CPEB4: variants seen among roughly 807,000 people sequenced by gnomAD.
CPEB4 encodes cytoplasmic polyadenylation element binding protein 4.
In CPEB4, 12 loss-of-function variants were observed where a neutral mutation model predicts 72.5. The ratio of observed to expected loss-of-function variants is 0.17; its 90% CI spans 0.11 to 0.27. CPEB4 has a LOEUF of 0.27. Ranked by LOEUF, CPEB4 falls within the 10% of genes least tolerant of loss-of-function variation. CPEB4 has a pLI of 1.00. For synonymous variants in CPEB4, 302 were observed against 326.3 expected, an observed-to-expected ratio of 0.93 and a Z score of 0.80; for missense variants, 614 against 908.5, an observed-to-expected ratio of 0.68 and a Z score of 4.17.
chr5:173,935,804 G>A (rs1757600738), intron 3 of CPEB4, among the ~76,000 whole-genome samples: 1 of 152,004 alleles, frequency 6.6e-6, no homozygotes, highest in African/African-American at 2.4e-5. Context: ...TCACCAACCA[G>A]TTTTCAGTGG....
chr5:173,900,949 G>C lies in CPEB4; in HGVS notation c.1126-9574G>C, dbSNP rs796659582. On this transcript the variant is annotated intron_variant, in intron 1 of 9. Coordinates refer to ENST00000265085, the MANE Select transcript of CPEB4 (RefSeq NM_030627.4). The surrounding 1 kb of genome is among the most constrained non-coding windows in gnomAD (Gnocchi z 4.4). The stretch of plus-strand genomic sequence containing the variant: ...TTGCAGCATCAAGATCACTTGCTTA[G>C]TATGTTTGATACTTAGTATCACAAG... Among the ~76,000 whole-genome samples, 19 of 152,260 alleles carry C rather than the reference G, an allele frequency of 1.2e-4. No homozygotes were observed. Among genetic ancestry groups the C allele is most frequent in the African/African-American group, 4.1e-4 (17 of 41,532 alleles).
chr5:173,946,980 C>T (rs1246413041), intron 5 of CPEB4, among the ~76,000 whole-genome samples: 1 of 152,004 alleles, frequency 6.6e-6, no homozygotes, highest in Non-Finnish European at 1.5e-5. Context: ...TAAGGGCTCA[C>T]ATAGTGAGCC....
At chr5:173,894,680 G>A (rs1166916802) in intron 1 of CPEB4, among the ~76,000 whole-genome samples, 3 of 150,304 alleles carry the variant, frequency 2.0e-5, no homozygotes. Flanking sequence ...TACATGTATT[G>A]ATTCATTTAA....
In CPEB4 at chr5:173,900,497, C is replaced by CT. The variant is rs1212049142; in HGVS notation, c.1125+9640dup. On this transcript the variant is annotated intron_variant, in intron 1 of 9. Coordinates refer to ENST00000265085, the MANE Select transcript of CPEB4 (RefSeq NM_030627.4). This position sits in a 1 kb window ranked among gnomAD's most constrained non-coding sequence, Gnocchi z 4.4. ...CTAGCAGACATGGAGAACAGGAACTCTAACAGCCAGTTGAGGTCTAAATAA... is the reference window on the plus strand; with the variant it reads ...CTAGCAGACATGGAGAACAGGAACTCTTAACAGCCAGTTGAGGTCTAAATAA... Among the ~76,000 whole-genome samples, 1 of 152,142 alleles carries CT rather than the reference C, an allele frequency of 6.6e-6. No individual in the cohort carries two copies. The highest frequency in any genetic ancestry group is 1.5e-5 in the Non-Finnish European group (1 of 68,042).
chr5:173,946,474 C>T (rs994694071), intron 5 of CPEB4, among the ~76,000 whole-genome samples: 6 of 152,126 alleles, frequency 3.9e-5, no homozygotes, highest in African/African-American at 1.2e-4. Flanking sequence ...ATGCTTGGGG[C>T]TGCTTCAGGG....
Position 173,950,121 on chromosome 5 carries a change from C to A in CPEB4, c.1665+43C>A. The A allele has an allele frequency of 8.4e-7, 1 of 1,187,708 alleles. No homozygotes were observed. 73.6% of individuals were successfully genotyped at this position (1,187,708 alleles called of 1,614,324 possible). Reference sequence around the variant, plus strand: ...TAAAATAGCTTCTTGTTTTTGCCTCCATTCATCTGTTATATTTGAAAAACC... The same window carrying A: ...TAAAATAGCTTCTTGTTTTTGCCTCAATTCATCTGTTATATTTGAAAAACC... On this transcript the variant is annotated intron_variant, in intron 7 of 9. Coordinates refer to ENST00000265085, the MANE Select transcript of CPEB4 (RefSeq NM_030627.4). This position sits in a 1 kb window ranked among gnomAD's most constrained non-coding sequence, Gnocchi z 5.0.
Position 173,892,661 on chromosome 5 carries a change from CTT to C in CPEB4, c.1125+1806_1125+1807del, listed in dbSNP as rs149078537. 5.6e-3 allele frequency among the ~76,000 whole-genome samples: 852 copies of C among 152,156 alleles called. 7 individuals are homozygous for C. The highest frequency in any genetic ancestry group is 0.019 in the African/African-American group (805 of 41,516). ...TTGGTTCCCATTCTCAGCTTACTGA[CTT>C]TTGTTAAGATTGCTTTAGGAAAAAT... On this transcript the variant is annotated intron_variant, in intron 1 of 9. Transcript: ENST00000265085.
chr5:173,899,512 TTC>T (rs1486474783), intron 1 of CPEB4, among the ~76,000 whole-genome samples: 3 of 152,206 alleles, frequency 2.0e-5, no homozygotes, highest in Non-Finnish European at 4.4e-5. Context: ...TGGCTTCATC[TTC>T]TCTTTCTGTA....
rs1756209676 is a variant in CPEB4, at chr5:173,900,913, G to C, written c.1126-9610G>C. Among the ~76,000 whole-genome samples the C allele has an allele frequency of 6.6e-6, 1 of 152,028 alleles. No individual in the cohort carries two copies. The highest frequency in any genetic ancestry group is 2.4e-5 in the African/African-American group (1 of 41,388). On this transcript the variant is annotated intron_variant, in intron 1 of 9. Transcript: ENST00000265085. The surrounding 1 kb of genome is among the most constrained non-coding windows in gnomAD (Gnocchi z 4.4). Reference sequence around the variant, plus strand: ...TCCTCGTTTTGCTGATGAAATTAAGGTTCAATGATATTGCAGCATCAAGAT... The same window carrying C: ...TCCTCGTTTTGCTGATGAAATTAAGCTTCAATGATATTGCAGCATCAAGAT...
intron 1 of CPEB4, among the ~76,000 whole-genome samples, chr5:173,898,924 C>T (rs1756124945): frequency 6.6e-6 from 1 of 152,168 alleles, no homozygotes; most frequent in African/African-American, 2.4e-5. Flanking sequence ...CTTTGGCCTC[C>T]GGAAGTGCTG....
chr5:173,940,360 C>T (rs566157664), intron 3 of CPEB4, among the ~76,000 whole-genome samples: 6 of 152,284 alleles, frequency 3.9e-5, no homozygotes, highest in Admixed American at 2.6e-4. Flanking sequence ...TACACTTCCT[C>T]GGATATTTGA....
rs1250920288 is a variant in CPEB4, at chr5:173,918,974, TG to T, written c.1207+8375del. Reference sequence around the variant, plus strand: ...GTGAGGGTAACGGTGGGCGAGTAGATGGGGGAAGTATTATAATAGTAAACTT... The same window carrying T: ...GTGAGGGTAACGGTGGGCGAGTAGATGGGGAAGTATTATAATAGTAAACTT... On this transcript the variant is annotated intron_variant, in intron 2 of 9. Coordinates refer to ENST00000265085, the MANE Select transcript of CPEB4 (RefSeq NM_030627.4). 3.3e-5 allele frequency among the ~76,000 whole-genome samples: 5 copies of T among 152,188 alleles called. No individual in the cohort carries two copies. In the East Asian group the frequency reaches 9.7e-4, roughly 29 times the overall value.
chr5:173,895,426 C>G (rs917591769), intron 1 of CPEB4, among the ~76,000 whole-genome samples: 1 of 152,122 alleles, frequency 6.6e-6, no homozygotes, highest in Non-Finnish European at 1.5e-5. Context: ...AAGACAAAAT[C>G]AGTATGTCAC....
chr5:173,956,411 C>A lies in CPEB4; in HGVS notation c.*274C>A. On this transcript the variant is annotated 3_prime_UTR_variant, in exon 10 of 10. Transcript: ENST00000265085. ...AAACCAAGAGGATCCAAACTTCCTG[C>A]AACATTTTCTTAGAGGAGAGAGAGA... The A allele has an allele frequency of 2.9e-6, 1 of 343,544 alleles. No individual in the cohort carries two copies. The highest frequency in any genetic ancestry group is 8.3e-5 in the South Asian group (1 of 12,026). 21.3% of individuals were successfully genotyped at this position (343,544 alleles called of 1,614,324 possible).
chr5:173,904,523 G>A (rs906237453), intron 1 of CPEB4, among the ~76,000 whole-genome samples: 13 of 152,128 alleles, frequency 8.5e-5, no homozygotes, highest in African/African-American at 2.9e-4. Context: ...AATATAAAAG[G>A]TAATATTTGT....
chr5:173,910,348 T>C (rs1756607780), intron 1 of CPEB4, among the ~76,000 whole-genome samples, 175 bp from the exon 2 acceptor site: 1 of 152,238 alleles, frequency 6.6e-6, no homozygotes, highest in Non-Finnish European at 1.5e-5. Context: ...CCCTGTGTAC[T>C]TACTTTTGTG....
intron 2 of CPEB4, among the ~76,000 whole-genome samples, chr5:173,919,044 T>A (rs567340498): frequency 1.3e-5 from 2 of 152,356 alleles, no homozygotes; most frequent in South Asian, 4.1e-4. Flanking sequence ...AAGATTTTTT[T>A]AATACATAAT....
chr5:173,953,534 C>T (rs1032841807), intron 9 of CPEB4: 12 of 397,140 alleles, frequency 3.0e-5, no homozygotes, highest in Middle Eastern at 6.5e-4. Context: ...TCAATCCATC[C>T]GTCCATTCAT....
chr5:173,916,604 C>A (rs982513315), intron 2 of CPEB4, among the ~76,000 whole-genome samples: 1 of 152,108 alleles, frequency 6.6e-6, no homozygotes, highest in African/African-American at 2.4e-5. Context: ...CATATTTTTT[C>A]TTGCTTTATC....
Sources: gnomAD v4.1 joint callset for allele counts (sites outside exome capture counted in the v4.1 genomes callset) on GRCh38, gnomAD v4.1.1 for gene constraint, Gnocchi (gnomAD v3.1) non-coding constraint, MANE v1.5 for transcripts, NCBI Gene and HGNC (gene_info 2026-07-23, HGNC 2026-07-21) for gene names.